Variants in LTBP1 observed in about 807,000 individuals in gnomAD.
LTBP1 encodes the protein latent-transforming growth factor beta-binding protein 1.
In LTBP1, 129 loss-of-function variants were observed where a neutral mutation model predicts 207.6. The observed-to-expected ratio is 0.62, with a 90% confidence interval of 0.54 to 0.72. The LOEUF is 0.72. Among genes scored for constraint, LTBP1 ranks in the 30% least tolerant of loss-of-function variants. LTBP1 has a pLI of 0.00. For synonymous variants in LTBP1, 963 were observed against 833.7 expected (o/e 1.16, Z -2.67); for missense variants, 2,281 against 2,217.2 (o/e 1.03, Z -0.58).
chr2:33,387,560 G>C (rs193295846), intron 31 of LTBP1, among the ~76,000 whole-genome samples: 3 of 152,330 alleles, frequency 2.0e-5, no homozygotes, highest in African/African-American at 7.2e-5. Flanking sequence ...ACCCTATCCA[G>C]TGGTTCAAGG....
At chr2:33,106,815 AC>A (rs2080092543) in intron 3 of LTBP1, among the ~76,000 whole-genome samples, 1 of 152,222 alleles carries the variant, frequency 6.6e-6, no homozygotes, top group South Asian at 2.1e-4. Context: ...TCAGCCACCA[AC>A]GAAAGTCAGC....
chr2:33,355,858 C>T (rs962501058), intron 26 of LTBP1, among the ~76,000 whole-genome samples: 1 of 152,154 alleles, frequency 6.6e-6, no homozygotes, highest in Non-Finnish European at 1.5e-5. Context: ...AGTGAAGCCT[C>T]CAGTTCACTC....
rs114633448 is a variant in LTBP1 at position 33,109,425 on chromosome 2, G to A, written c.864-1157G>A. ...AAACTGCACTGTCCTAACAATTTCA[G>A]TAGCAATTTTGCATATTCTGGAATT... On this transcript the variant is annotated intron_variant, in intron 3 of 33. Coordinates refer to ENST00000404816, the MANE Select transcript of LTBP1 (RefSeq NM_206943.4). Among the ~76,000 whole-genome samples the A allele has an allele frequency of 3.5e-3, 538 of 152,308 alleles. 3 individuals carry two copies. The highest frequency in any genetic ancestry group is 0.012 in the African/African-American group (519 of 41,562).
intron 31 of LTBP1, among the ~76,000 whole-genome samples, chr2:33,379,188 TG>T (rs2095181937): frequency 6.7e-6 from 1 of 149,970 alleles, no homozygotes. Flanking sequence ...TTTCAGTTTT[TG>T]CCATTGCTTT....
At chr2:33,257,024 T>C (rs889566816) in intron 11 of LTBP1, among the ~76,000 whole-genome samples, 8 of 151,342 alleles carry the variant, frequency 5.3e-5, no homozygotes, top group African/African-American at 1.7e-4. Context: ...ATATATAATA[T>C]GTATATTCTG....
Position 32,947,758 on chromosome 2 carries a change from A to G in LTBP1, c.434A>G (p.Gln145Arg). The change falls in exon 1 of 34, where the codon CAG (glutamine) becomes CGG (arginine). Residue 145 changes from glutamine (Q) to arginine (R), a missense_variant. Transcript: ENST00000404816. ...GRQVVRSKVP[Q>R]ETQSGGGSRL... Reference sequence around the variant, plus strand: ...CAAGTTGTGCGCTCCAAGGTGCCGCAGGAGACCCAGAGCGGCGGAGGCTCT... The same window carrying G: ...CAAGTTGTGCGCTCCAAGGTGCCGCGGGAGACCCAGAGCGGCGGAGGCTCT... 1 of 1,523,424 alleles carries G rather than the reference A, an allele frequency of 6.6e-7. No homozygotes were observed. 94.4% of individuals were successfully genotyped at this position (1,523,424 alleles called of 1,614,324 possible).
intron 2 of LTBP1, among the ~76,000 whole-genome samples, chr2:32,986,140 G>A (rs1327712739): frequency 6.6e-6 from 1 of 152,160 alleles, no homozygotes; most frequent in East Asian, 1.9e-4. Context: ...GGATCAATTA[G>A]ATGAGTGTTG....
chr2:33,179,767 T>C (rs919876357), intron 5 of LTBP1, among the ~76,000 whole-genome samples: 1 of 152,156 alleles, frequency 6.6e-6, no homozygotes, highest in Non-Finnish European at 1.5e-5. Flanking sequence ...TAGAAGATCC[T>C]GTAGCTATCC....
intron 20 of LTBP1, among the ~76,000 whole-genome samples, chr2:33,297,532 A>T (rs1330463413): frequency 2.0e-5 from 3 of 151,826 alleles, no homozygotes; most frequent in African/African-American, 7.3e-5. Flanking sequence ...CCCAGGTTCA[A>T]GTGATTCTTC....
At chr2:33,186,207 ATAT>A (rs1049553358) in intron 5 of LTBP1, among the ~76,000 whole-genome samples, 9 of 152,102 alleles carry the variant, frequency 5.9e-5, no homozygotes, top group African/African-American at 2.2e-4. Flanking sequence ...TTTTCAACAA[ATAT>A]TATTTTTATT....
intron 22 of LTBP1, among the ~76,000 whole-genome samples, chr2:33,308,496 A>G (rs1466899212): frequency 1.3e-5 from 2 of 152,008 alleles, no homozygotes; most frequent in African/African-American, 4.8e-5. Context: ...ATTCTACCCT[A>G]CTGTGAAATT....
chr2:33,047,293 C>T (rs749454035), intron 3 of LTBP1, among the ~76,000 whole-genome samples: 27 of 152,172 alleles, frequency 1.8e-4, no homozygotes, highest in Non-Finnish European at 3.2e-4. Context: ...AAATGTGTCC[C>T]AGAGATTCTG....
At chr2:33,004,879 C>T (rs1558501717) in intron 2 of LTBP1, among the ~76,000 whole-genome samples, 1 of 149,026 alleles carries the variant, frequency 6.7e-6, no homozygotes, top group East Asian at 2.0e-4. Flanking sequence ...TATTTTTCTG[C>T]ACCTGGTAAC....
intron 26 of LTBP1, among the ~76,000 whole-genome samples, chr2:33,347,787 G>A (rs928367784): frequency 2.6e-5 from 4 of 152,210 alleles, no homozygotes; most frequent in Non-Finnish European, 5.9e-5. Context: ...GACATTTGCT[G>A]GGGATTGCTT....
chr2:33,102,246 T>C (rs1046404111), intron 3 of LTBP1, among the ~76,000 whole-genome samples: 1 of 152,200 alleles, frequency 6.6e-6, no homozygotes, highest in African/African-American at 2.4e-5. Flanking sequence ...CATGGAACTA[T>C]TGATATATTG....
intron 2 of LTBP1, among the ~76,000 whole-genome samples, chr2:32,989,366 A>G (rs1220781185): frequency 6.6e-6 from 1 of 152,244 alleles, no homozygotes; most frequent in African/African-American, 2.4e-5. Context: ...TTTCCATTTT[A>G]TAGTCACAAA....
chr2:33,073,293 T>G (rs1271090218), intron 3 of LTBP1, among the ~76,000 whole-genome samples: 1 of 151,988 alleles, frequency 6.6e-6, no homozygotes, highest in Non-Finnish European at 1.5e-5. Flanking sequence ...TTTGTTTTTG[T>G]TTTTTTATTT....
At chr2:33,380,736 T>A (rs545512944) in intron 31 of LTBP1, among the ~76,000 whole-genome samples, 24 of 152,312 alleles carry the variant, frequency 1.6e-4, no homozygotes, top group African/African-American at 5.5e-4. Flanking sequence ...TTCTCTTGAC[T>A]TTTTAAAAAT....
chr2:32,956,899 C>T (rs375794018), intron 2 of LTBP1, among the ~76,000 whole-genome samples: 4 of 152,334 alleles, frequency 2.6e-5, no homozygotes, highest in South Asian at 2.1e-4. Context: ...TTAATCTCCA[C>T]GTACATCTCC....
Sources: allele counts gnomAD v4.1 joint callset (sites outside exome capture counted in the v4.1 genomes callset), GRCh38; gene constraint gnomAD v4.1.1; transcripts MANE v1.5; gene names NCBI Gene and HGNC (gene_info 2026-07-23, HGNC 2026-07-21).